Variants in NAV3 observed in about 807,000 individuals in gnomAD.
The protein encoded by NAV3 is neuron navigator 3.
A neutral mutation model predicts 244.7 loss-of-function variants in NAV3; 87 were observed. The ratio of observed to expected loss-of-function variants is 0.36; its 90% confidence interval spans 0.30 to 0.42. The LOEUF (loss-of-function observed/expected upper bound fraction) is 0.42, where lower values mean the gene tolerates loss of function less well. NAV3 is among the 20% of genes least tolerant of loss of function. NAV3 has a pLI of 1.00. For missense variants in NAV3, 2,663 were observed against 2,893.3 expected (o/e 0.92, Z 1.83); for synonymous variants, 1,126 against 1,042.2 (o/e 1.08, Z -1.55).
intron 9 of NAV3, among the ~76,000 whole-genome samples, chr12:78,034,136 G>A (rs561805924): frequency 2.6e-5 from 4 of 152,324 alleles, no homozygotes; most frequent in South Asian, 4.1e-4. Flanking sequence ...CACTGTGGAC[G>A]TTGTGAAATG....
chr12:78,017,157 G>C (rs996958072), intron 8 of NAV3, among the ~76,000 whole-genome samples: 3 of 152,098 alleles, frequency 2.0e-5, no homozygotes, highest in African/African-American at 4.8e-5. Context: ...TGTGAATTTT[G>C]AGTGATAGGC....
chr12:78,151,309 C>T (rs1957072435), intron 22 of NAV3, among the ~76,000 whole-genome samples: 1 of 152,030 alleles, frequency 6.6e-6, no homozygotes, highest in African/African-American at 2.4e-5. Flanking sequence ...CTTCTCAAAT[C>T]ACATTAGATC....
At chr12:77,996,683 T>C (rs1872399459) in intron 6 of NAV3, among the ~76,000 whole-genome samples, 1 of 152,176 alleles carries the variant, frequency 6.6e-6, no homozygotes, top group African/African-American at 2.4e-5. Flanking sequence ...AGTAGTATTA[T>C]AAAGGTGAAT....
intron 9 of NAV3, among the ~76,000 whole-genome samples, chr12:78,048,253 T>C (rs114296056): frequency 0.01 from 1,581 of 152,330 alleles, 34 homozygotes; most frequent in African/African-American, 0.036. Context: ...TTCTGTTCCC[T>C]TGCTGGTGAA....
intron 2 of NAV3, among the ~76,000 whole-genome samples, chr12:77,808,124 C>T (rs1450274445): frequency 6.6e-6 from 1 of 152,110 alleles, no homozygotes; most frequent in African/African-American, 2.4e-5. Flanking sequence ...CTAGAACATG[C>T]CCTTTAGCTT....
intron 2 of NAV3, among the ~76,000 whole-genome samples, chr12:77,731,264 G>A (rs1181339361): frequency 6.6e-6 from 1 of 151,868 alleles, no homozygotes; most frequent in Non-Finnish European, 1.5e-5. Context: ...AGGATTCCAG[G>A]GGAAGGTCTT....
intron 2 of NAV3, among the ~76,000 whole-genome samples, chr12:77,654,166 G>C (rs138514896): frequency 6.6e-6 from 1 of 152,146 alleles, no homozygotes; most frequent in Non-Finnish European, 1.5e-5. Flanking sequence ...CCTCACTCGG[G>C]ACGTGCAAGG....
intron 2 of NAV3, among the ~76,000 whole-genome samples, chr12:77,699,486 G>C (rs1875464838): frequency 6.6e-6 from 1 of 152,112 alleles, no homozygotes; most frequent in Non-Finnish European, 1.5e-5. Context: ...GCATGGTAGG[G>C]ATGTCTTGTC....
intron 2 of NAV3, among the ~76,000 whole-genome samples, chr12:77,821,691 TGGAAA>T (rs1248893423): frequency 1.3e-5 from 2 of 152,180 alleles, no homozygotes; most frequent in African/African-American, 4.8e-5. Context: ...ATAAGAAAAT[TGGAAA>T]GGAAGCAGTA....
chr12:78,089,617 C>T (rs1011660423), intron 12 of NAV3, among the ~76,000 whole-genome samples: 26 of 151,812 alleles, frequency 1.7e-4, no homozygotes, highest in African/African-American at 4.8e-4. Context: ...AATGTTTATT[C>T]AGTTTGAATG....
chr12:78,207,838 G>GTT (rs1343301437), intron 39 of NAV3, among the ~76,000 whole-genome samples: 1 of 152,164 alleles, frequency 6.6e-6, no homozygotes, highest in East Asian at 1.9e-4. Context: ...GATTTACCTA[G>GTT]TTAGATCTGC....
intron 34 of NAV3, 48 bp from the exon 35 acceptor site, chr12:78,197,197 ATT>A: frequency 2.2e-6 from 3 of 1,375,516 alleles, no homozygotes; most frequent in Non-Finnish European, 2.9e-6. Context: ...ACTGCTTCCT[ATT>A]AGTATAAATT....
chr12:77,690,436 G>A (rs1006987800), intron 2 of NAV3, among the ~76,000 whole-genome samples: 5 of 151,706 alleles, frequency 3.3e-5, no homozygotes, highest in Admixed American at 1.3e-4. Flanking sequence ...AGTTAAAGTC[G>A]TATTAATCAT....
Position 78,188,549 on chromosome 12 carries a change from A to G in NAV3, c.5887-60A>G, listed in dbSNP as rs1003614921. 1.9e-5 allele frequency: 28 copies of G among 1,504,754 alleles called. 1 individual carries two copies. In the South Asian group the frequency reaches 2.3e-4, roughly 12 times the overall value. The allele number at this position is 1,504,754 out of a possible 1,614,324, so 93.2% of individuals were successfully genotyped here. A position where few individuals can be genotyped will look rare whatever the true frequency, so the allele number is the denominator to read the frequency against. On this transcript the variant is annotated intron_variant, in intron 32 of 39. Coordinates refer to ENST00000397909, the MANE Select transcript of NAV3 (RefSeq NM_001024383.2). ...AGCTCTATATCCCTGTGAGTTATGTATTTGTTGTAGATGAGTTGAACCTCT... is the reference window on the plus strand; with the variant it reads ...AGCTCTATATCCCTGTGAGTTATGTGTTTGTTGTAGATGAGTTGAACCTCT...
At chr12:77,817,486 T>C in intron 2 of NAV3, among the ~76,000 whole-genome samples, 1 of 152,120 alleles carries the variant, frequency 6.6e-6, no homozygotes, top group Non-Finnish European at 1.5e-5. Context: ...AGTCGTTTGT[T>C]GATTAAAATG....
intron 1 of NAV3, among the ~76,000 whole-genome samples, chr12:77,832,359 T>A (rs1253525370): frequency 6.6e-6 from 1 of 152,234 alleles, no homozygotes; most frequent in Non-Finnish European, 1.5e-5. Context: ...TAAAGCATAC[T>A]ACAACCGTTT....
At chr12:77,642,118 A>T (rs1211183259) in intron 2 of NAV3, among the ~76,000 whole-genome samples, 4 of 152,174 alleles carry the variant, frequency 2.6e-5, no homozygotes, top group African/African-American at 9.6e-5. Context: ...CCTTCAGTTT[A>T]GTGTCACAAA....
chr12:77,876,411 T>A (rs183195123), intron 1 of NAV3, among the ~76,000 whole-genome samples: 5 of 152,192 alleles, frequency 3.3e-5, no homozygotes, highest in African/African-American at 1.2e-4. Flanking sequence ...GATTGTTCAT[T>A]AAATAGATGA....
intron 34 of NAV3, among the ~76,000 whole-genome samples, chr12:78,191,022 T>A (rs1362879477): frequency 1.3e-5 from 2 of 152,106 alleles, no homozygotes; most frequent in African/African-American, 4.8e-5. Flanking sequence ...AGCAATACCT[T>A]GAGGGAATCC....
Sources: allele counts gnomAD v4.1 joint callset (sites outside exome capture counted in the v4.1 genomes callset), GRCh38; gene constraint gnomAD v4.1.1; transcripts MANE v1.5; gene names NCBI Gene and HGNC (gene_info 2026-07-23, HGNC 2026-07-21).